The following IMMT variants were observed in gnomAD, a reference collection of about 807,000 sequenced individuals.
IMMT encodes the protein inner membrane mitochondrial protein.
In IMMT, 40 loss-of-function variants were observed where a neutral mutation model predicts 92.7. That is an observed-to-expected ratio of 0.43 (90% CI 0.34 to 0.56). The LOEUF (loss-of-function observed/expected upper bound fraction) is 0.56. Ranked by LOEUF, IMMT falls within the 20% of genes least tolerant of loss-of-function variation. IMMT has a pLI of 0.03. For missense variants in IMMT, 831 were observed against 912.1 expected (o/e 0.91, Z 1.14); for synonymous variants, 322 against 336.1 (o/e 0.96, Z 0.46).
At chr2:86,164,268 G>C (rs1428341598) in intron 7 of IMMT, among the ~76,000 whole-genome samples, 2 of 151,400 alleles carry the variant, frequency 1.3e-5, no homozygotes, top group Middle Eastern at 3.4e-3. Context: ...TGTTGGTCAG[G>C]CTGGTCTCGA....
chr2:86,153,635 C>G, intron 10 of IMMT, 61 bp from the exon 11 acceptor site: 6 of 1,073,050 alleles, frequency 5.6e-6, no homozygotes, highest in Non-Finnish European at 8.0e-6. Flanking sequence ...AGTTATTGAT[C>G]ATTAAACAGA....
rs766382021 is a variant in IMMT, at chr2:86,147,692, A to G, written c.1533+10T>C. ...AGAGGGGTGTGGCTGAAGGGAGTCC[A>G]GGTCCTCACCTGCTCAAATTCAGAC... is the stretch of plus-strand genomic sequence containing the variant. On this transcript the variant is annotated intron_variant, in intron 13 of 14. Transcript: ENST00000410111. The G allele has an allele frequency of 6.8e-6, 11 of 1,610,598 alleles. No homozygotes were observed. The highest frequency in any genetic ancestry group is 6.8e-6 in the Non-Finnish European group (8 of 1,178,398).
rs538286114 is a variant in IMMT, at chr2:86,149,392, G to A, written c.1402-1559C>T. On this transcript the variant is annotated intron_variant, in intron 12 of 14. Transcript: ENST00000410111. ...ATGCAGTGATCAAGAAGCCTTTTGGGTACTGGTTAAGAATTTGGAATTATA... is the reference window on the plus strand; with the variant it reads ...ATGCAGTGATCAAGAAGCCTTTTGGATACTGGTTAAGAATTTGGAATTATA... Among the ~76,000 whole-genome samples, 21 of 152,326 alleles carry A rather than the reference G, an allele frequency of 1.4e-4. No individual in the cohort carries two copies. The South Asian group carries it at 4.1e-3, about 30-fold the overall frequency.
chr2:86,167,828 T>G (rs189922909), intron 6 of IMMT, among the ~76,000 whole-genome samples: 12 of 139,752 alleles, frequency 8.6e-5, no homozygotes, highest in East Asian at 8.1e-4. Flanking sequence ...ATAAAAAGTG[T>G]TTTTTTTTTT....
intron 10 of IMMT, among the ~76,000 whole-genome samples, chr2:86,155,579 T>C (rs554938263): frequency 2.0e-5 from 3 of 152,336 alleles, no homozygotes; most frequent in Non-Finnish European, 2.9e-5. Flanking sequence ...TCAATACCAC[T>C]AGCTATTATT....
At chr2:86,158,357 A>G (rs1040481903) in intron 10 of IMMT, 16 of 332,758 alleles carry the variant, frequency 4.8e-5, no homozygotes, top group African/African-American at 3.1e-4. Flanking sequence ...AGAACCAATC[A>G]CGGATTATGG....
chr2:86,179,746 G>T, intron 2 of IMMT, 124 bp from the exon 3 acceptor site: 1 of 675,560 alleles, frequency 1.5e-6, no homozygotes, highest in Non-Finnish European at 2.3e-6. Flanking sequence ...TCAGATCATA[G>T]CAGCCAAGTT....
chr2:86,193,531 G>T (rs920743469), intron 1 of IMMT, among the ~76,000 whole-genome samples: 1 of 152,090 alleles, frequency 6.6e-6, no homozygotes, highest in African/African-American at 2.4e-5. Context: ...GGGGATTAAA[G>T]TTCTGAGAGT....
intron 1 of IMMT, among the ~76,000 whole-genome samples, chr2:86,184,622 G>A (rs1672634988): frequency 1.3e-5 from 2 of 151,768 alleles, no homozygotes; most frequent in Non-Finnish European, 2.9e-5. Context: ...ACATAAACAC[G>A]AGGTCATGAC....
At chr2:86,192,056 G>T (rs570157971) in intron 1 of IMMT, among the ~76,000 whole-genome samples, 288 of 152,274 alleles carry the variant, frequency 1.9e-3, no homozygotes, top group Non-Finnish European at 3.7e-3. Flanking sequence ...AACATTGCGA[G>T]ATCCCATCTC....
chr2:86,189,940 C>G (rs1673013887), intron 1 of IMMT, among the ~76,000 whole-genome samples: 1 of 152,178 alleles, frequency 6.6e-6, no homozygotes, highest in African/African-American at 2.4e-5. Flanking sequence ...TAAACATATT[C>G]TATTCTAGGA....
chr2:86,146,375 A>G, intron 13 of IMMT, among the ~76,000 whole-genome samples, 178 bp from the exon 14 acceptor site: 1 of 135,240 alleles, frequency 7.4e-6, no homozygotes, highest in South Asian at 2.2e-4. Flanking sequence ...TATATAATAT[A>G]TTTTTTTTTT....
At chr2:86,178,396 G>C (rs1677592103) in intron 3 of IMMT, among the ~76,000 whole-genome samples, 1 of 151,590 alleles carries the variant, frequency 6.6e-6, no homozygotes. Flanking sequence ...GGGGGGCCGA[G>C]GCAGGCGGAC....
intron 4 of IMMT, among the ~76,000 whole-genome samples, chr2:86,172,338 A>T (rs1257399766): frequency 6.6e-6 from 1 of 151,324 alleles, no homozygotes; most frequent in East Asian, 2.0e-4. Flanking sequence ...CACCCAGCAT[A>T]TGAAACAATG....
chr2:86,147,637 G>A lies in IMMT; in HGVS notation c.1533+65C>T, dbSNP rs1057377912. The A allele has an allele frequency of 7.8e-5, 117 of 1,500,956 alleles. 2 individuals carry two copies. In the South Asian group the frequency reaches 1.5e-3, roughly 19 times the overall value. 93.0% of individuals were successfully genotyped at this position (1,500,956 alleles called of 1,614,324 possible). A position where few individuals can be genotyped will look rare whatever the true frequency, so the allele number is the denominator to read the frequency against. On this transcript the variant is annotated intron_variant, in intron 13 of 14. Coordinates refer to ENST00000410111, the MANE Select transcript of IMMT (RefSeq NM_006839.3). Reference sequence around the variant, plus strand: ...TCGACATCCTCAGAGTACATTAAAAGGAAAGGAGAGTCTCTTAATCCTGTC... The same window carrying A: ...TCGACATCCTCAGAGTACATTAAAAAGAAAGGAGAGTCTCTTAATCCTGTC...
chr2:86,188,879 C>T (rs187996021), intron 1 of IMMT, among the ~76,000 whole-genome samples: 1 of 152,036 alleles, frequency 6.6e-6, no homozygotes, highest in Admixed American at 6.6e-5. Flanking sequence ...TCTCAAGTAT[C>T]CCTCTGATGC....
At chr2:86,186,687 T>C (rs1459710038) in intron 1 of IMMT, among the ~76,000 whole-genome samples, 1 of 152,170 alleles carries the variant, frequency 6.6e-6, no homozygotes, top group Non-Finnish European at 1.5e-5. Context: ...TAAAGAAGAC[T>C]TGGGGATGAC....
Position 86,157,788 on chromosome 2 carries a change from CA to C in IMMT, c.1162+803del, listed in dbSNP as rs74548175. Among the ~76,000 whole-genome samples, 230 of 84,184 alleles carry C rather than the reference CA, an allele frequency of 2.7e-3. 1 individual carries two copies. Among genetic ancestry groups the C allele is most frequent in the African/African-American group, 8.8e-3 (138 of 15,696 alleles). 55.2% of individuals were successfully genotyped at this position (84,184 alleles called of 152,430 possible). Reference sequence around the variant, plus strand: ...GGGCAACAAGAGTAAAACTTTGTCTCAAAAAAAAAAAAAAAGAAAAAAAAAA... The same window carrying C: ...GGGCAACAAGAGTAAAACTTTGTCTCAAAAAAAAAAAAAAGAAAAAAAAAA... On this transcript the variant is annotated intron_variant, in intron 10 of 14. Coordinates refer to ENST00000410111, the MANE Select transcript of IMMT (RefSeq NM_006839.3).
At chr2:86,149,536 C>T (rs1675304376) in intron 12 of IMMT, among the ~76,000 whole-genome samples, 1 of 152,134 alleles carries the variant, frequency 6.6e-6, no homozygotes, top group African/African-American at 2.4e-5. Flanking sequence ...GGCAAATTGG[C>T]TGGGCATGGT....
Sources: gnomAD v4.1 joint callset for allele counts (sites outside exome capture counted in the v4.1 genomes callset) on GRCh38, gnomAD v4.1.1 for gene constraint, MANE v1.5 for transcripts, NCBI Gene and HGNC (gene_info 2026-07-23, HGNC 2026-07-21) for gene names.